CDH12: variants seen among roughly 807,000 people sequenced by gnomAD.
CDH12 encodes cadherin-12.
CDH12 carries 41 observed loss-of-function variants against 74.1 expected under a neutral mutation model. The observed-to-expected ratio is 0.55, with a 90% CI of 0.43 to 0.72. The LOEUF (loss-of-function observed/expected upper bound fraction) is 0.72, where lower values mean the gene tolerates loss of function less well. CDH12 is among the 30% of genes least tolerant of loss of function. CDH12 has a pLI of 0.00. For missense variants in CDH12, 945 were observed against 977.2 expected (o/e 0.97, Z 0.44); for synonymous variants, 399 against 355.0 (o/e 1.12, Z -1.39).
At chr5:22,087,896 G>A (rs1277529605) in intron 4 of CDH12, among the ~76,000 whole-genome samples, 1 of 152,192 alleles carries the variant, frequency 6.6e-6, no homozygotes, top group Non-Finnish European at 1.5e-5. Flanking sequence ...ACTGGGGATT[G>A]ATGGTGAGCT....
At chr5:22,203,757 T>A (rs1368402928) in intron 4 of CDH12, among the ~76,000 whole-genome samples, 1 of 152,224 alleles carries the variant, frequency 6.6e-6, no homozygotes, top group Non-Finnish European at 1.5e-5. Flanking sequence ...CCAGCACTTG[T>A]TACTTTTTGC....
intron 1 of CDH12, among the ~76,000 whole-genome samples, chr5:22,687,985 G>A (rs1268490747): frequency 2.6e-5 from 4 of 151,984 alleles, no homozygotes; most frequent in Non-Finnish European, 5.9e-5. Flanking sequence ...AAGATGCCTT[G>A]AGATGGCCAA....
intron 1 of CDH12, among the ~76,000 whole-genome samples, chr5:22,652,028 G>A (rs16897695): frequency 0.12 from 18,005 of 151,918 alleles, 1,419 homozygotes; most frequent in East Asian, 0.44. Flanking sequence ...TGGTTAAAAC[G>A]TAGGTTCAGA....
At chr5:22,329,577 C>G (rs1739261432) in intron 3 of CDH12, among the ~76,000 whole-genome samples, 1 of 152,156 alleles carries the variant, frequency 6.6e-6, no homozygotes, top group Admixed American at 6.5e-5. Flanking sequence ...AATCATAGTA[C>G]CTTGTTTTAG....
chr5:22,634,787 CTT>C (rs1259659752), intron 1 of CDH12, among the ~76,000 whole-genome samples: 3 of 151,968 alleles, frequency 2.0e-5, no homozygotes, highest in Admixed American at 2.0e-4. Flanking sequence ...TGGGAATAAA[CTT>C]ATCAAAATAA....
chr5:22,009,706 G>A (rs1425564108), intron 5 of CDH12, among the ~76,000 whole-genome samples: 1 of 151,800 alleles, frequency 6.6e-6, no homozygotes, highest in Non-Finnish European at 1.5e-5. Flanking sequence ...GGCCCGGCGC[G>A]GTGACTCATG....
At chr5:22,543,091 G>A (rs1738174845) in intron 1 of CDH12, among the ~76,000 whole-genome samples, 2 of 152,008 alleles carry the variant, frequency 1.3e-5, no homozygotes, top group South Asian at 2.1e-4. Context: ...CTCTATTCTA[G>A]TTTACTGCAA....
chr5:22,746,921 C>T (rs1388570528), intron 1 of CDH12, among the ~76,000 whole-genome samples: 1 of 152,138 alleles, frequency 6.6e-6, no homozygotes. Flanking sequence ...TTCCTAAACA[C>T]AGCTGTACAC....
chr5:22,602,309 T>C (rs1433962736), intron 1 of CDH12, among the ~76,000 whole-genome samples: 1 of 152,164 alleles, frequency 6.6e-6, no homozygotes, highest in East Asian at 1.9e-4. Context: ...TTTGGCTTAA[T>C]CTTGATATTC....
At chr5:22,153,903 T>TATATAC (rs1478012877) in intron 4 of CDH12, among the ~76,000 whole-genome samples, 121 of 111,146 alleles carry the variant, frequency 1.1e-3, no homozygotes, top group Non-Finnish European at 1.5e-3. Context: ...TATATATATA[T>TATATAC]ACACACACAT....
At chr5:22,196,147 ATT>A (rs71609752) in intron 4 of CDH12, among the ~76,000 whole-genome samples, 3,483 of 132,016 alleles carry the variant, frequency 0.026, 53 homozygotes, top group Non-Finnish European at 0.038. Flanking sequence ...TCTGCATGTA[ATT>A]TTTTTTTTTT....
At chr5:21,796,827 T>C (rs1207514779) in intron 10 of CDH12, among the ~76,000 whole-genome samples, 1 of 152,144 alleles carries the variant, frequency 6.6e-6, no homozygotes, top group Non-Finnish European at 1.5e-5. Flanking sequence ...TGTAACTGGA[T>C]AATCAACAGT....
chr5:21,781,826 C>G (rs1170290813), intron 11 of CDH12, among the ~76,000 whole-genome samples: 1 of 151,986 alleles, frequency 6.6e-6, no homozygotes, highest in Non-Finnish European at 1.5e-5. Flanking sequence ...TTGCAAGAAA[C>G]TGGGAATCAG....
intron 4 of CDH12, among the ~76,000 whole-genome samples, chr5:22,140,247 T>TA (rs1224628714): frequency 2.6e-5 from 4 of 151,498 alleles, no homozygotes; most frequent in Non-Finnish European, 5.9e-5. Flanking sequence ...ATTTCTCAGC[T>TA]AAAAAAAGGC....
intron 5 of CDH12, among the ~76,000 whole-genome samples, chr5:22,047,970 T>G (rs980449023): frequency 6.6e-6 from 1 of 152,184 alleles, no homozygotes; most frequent in Non-Finnish European, 1.5e-5. Flanking sequence ...CATCCCCTTC[T>G]TTTGAGAGAC....
At chr5:21,862,449 G>C (rs4481318) in intron 6 of CDH12, among the ~76,000 whole-genome samples, 140,678 of 152,108 alleles carry the variant, frequency 0.92, 65,897 homozygotes, top group Non-Finnish European at 1. Context: ...CAAAAGGTAG[G>C]AAGTTGAGAG....
chr5:22,831,863 C>G (rs1260161792), intron 1 of CDH12, among the ~76,000 whole-genome samples: 2 of 151,906 alleles, frequency 1.3e-5, no homozygotes, highest in Non-Finnish European at 2.9e-5. Context: ...CACCACCGCA[C>G]TCCAGCCTGG....
chr5:22,705,891 A>T (rs189536642), intron 1 of CDH12, among the ~76,000 whole-genome samples: 1 of 151,898 alleles, frequency 6.6e-6, no homozygotes. Flanking sequence ...TACAAATGCT[A>T]TATATATATA....
chr5:22,832,403 GTT>G (rs1275357119), intron 1 of CDH12, among the ~76,000 whole-genome samples: 1 of 152,150 alleles, frequency 6.6e-6, no homozygotes, highest in Admixed American at 6.6e-5. Flanking sequence ...AAAGTCTGAA[GTT>G]TAAGAAATTG....
Sources: gnomAD v4.1 joint callset for allele counts (sites outside exome capture counted in the v4.1 genomes callset) on GRCh38, gnomAD v4.1.1 for gene constraint, MANE v1.5 for transcripts, NCBI Gene and HGNC (gene_info 2026-07-23, HGNC 2026-07-21) for gene names.